KIF13B: variants seen among roughly 807,000 people sequenced by gnomAD.
The protein encoded by KIF13B is kinesin family member 13B.
KIF13B carries 127 observed loss-of-function variants against 222.0 expected under a neutral mutation model. The ratio of observed to expected loss-of-function variants is 0.57; its 90% CI spans 0.50 to 0.66. The LOEUF (loss-of-function observed/expected upper bound fraction) is 0.66, where lower values mean the gene tolerates loss of function less well. Among genes scored for constraint, KIF13B ranks in the 30% least tolerant of loss-of-function variants. The pLI, the probability that KIF13B is intolerant of heterozygous loss-of-function variation, is 0.00. For missense variants in KIF13B, 2,173 were observed against 2,379.0 expected (o/e 0.91, Z 1.80); for synonymous variants, 976 against 919.0 (o/e 1.06, Z -1.12).
intron 12 of KIF13B, among the ~76,000 whole-genome samples, chr8:29,161,724 AC>A (rs1343023894): frequency 9.4e-5 from 14 of 148,610 alleles, no homozygotes; most frequent in South Asian, 2.2e-4. Flanking sequence ...AAAACAAAAA[AC>A]AAACAAACAA....
chr8:29,132,199 T>C (rs1810374119), intron 23 of KIF13B, 109 bp downstream of exon 23: 2 of 757,308 alleles, frequency 2.6e-6, no homozygotes, highest in African/African-American at 1.8e-5. Context: ...TGAGCCAAGA[T>C]CGTGCCACTG....
At position 29,115,098 on chromosome 8, in the gene KIF13B, T is replaced by C. The variant is rs370657841; in HGVS notation, c.3838-1543A>G. Among the ~76,000 whole-genome samples the C allele has an allele frequency of 2.1e-4, 32 of 152,174 alleles. 2 individuals carry two copies. The highest frequency in any genetic ancestry group is 9.8e-4 in the Admixed American group (15 of 15,282). The stretch of plus-strand genomic sequence containing the variant: ...TTACCGCCAGTCTTCATTTCAAAGA[T>C]TGATATCAGTGTGACATTTAGAACT... On this transcript the variant is annotated intron_variant, in intron 31 of 39. Transcript: ENST00000524189.
At chr8:29,150,187 A>G (rs1811236619) in intron 15 of KIF13B, 110 bp downstream of exon 15, 1 of 643,268 alleles carries the variant, frequency 1.6e-6, no homozygotes, top group South Asian at 1.9e-5. Context: ...ATATACGTAC[A>G]CACACAATAA....
At chr8:29,136,269 T>C (rs1308865063) in intron 21 of KIF13B, among the ~76,000 whole-genome samples, 1 of 152,176 alleles carries the variant, frequency 6.6e-6, no homozygotes, top group Non-Finnish European at 1.5e-5. Flanking sequence ...ATATTGGAGT[T>C]ACATAAAATA....
intron 38 of KIF13B, among the ~76,000 whole-genome samples, chr8:29,072,939 G>A (rs180843551): frequency 2.0e-5 from 3 of 151,986 alleles, no homozygotes; most frequent in Admixed American, 6.5e-5. Flanking sequence ...TTTTTTGTCC[G>A]GCAAAACCTA....
At chr8:29,250,970 G>C (rs1429999554) in intron 1 of KIF13B, among the ~76,000 whole-genome samples, 1 of 152,118 alleles carries the variant, frequency 6.6e-6, no homozygotes, top group African/African-American at 2.4e-5. Context: ...AGACAACATG[G>C]TGAAACCCCA....
chr8:29,128,524 C>T (rs532312868), intron 24 of KIF13B, among the ~76,000 whole-genome samples: 1 of 152,248 alleles, frequency 6.6e-6, no homozygotes, highest in South Asian at 2.1e-4. Flanking sequence ...GGGAAAAGTC[C>T]TAAAGAAAAT....
intron 2 of KIF13B, among the ~76,000 whole-genome samples, chr8:29,225,263 A>C (rs1814970100): frequency 6.6e-6 from 1 of 152,244 alleles, no homozygotes; most frequent in South Asian, 2.1e-4. Context: ...GTCCAGCCAC[A>C]GTTATGAGCA....
chr8:29,214,843 A>G (rs1187801802), intron 2 of KIF13B, among the ~76,000 whole-genome samples: 1 of 152,224 alleles, frequency 6.6e-6, no homozygotes, highest in Non-Finnish European at 1.5e-5. Flanking sequence ...ACTAAGTGAC[A>G]GGAATTTTTC....
Position 29,072,261 on chromosome 8 carries a change from A to G in KIF13B, c.4577T>C (p.Leu1526Ser). The change falls in exon 39 of 40, where the codon TTG (leucine) becomes TCG (serine). Residue 1526 changes from leucine (L) to serine (S), a missense_variant. Transcript: ENST00000524189. Reference sequence around the variant, plus strand: ...TTTGGCAGGTTTGTCGCAGATCTTCAAGGCCGGGGCCCCCATCGTCTGCAC... The same window carrying G: ...TTTGGCAGGTTTGTCGCAGATCTTCGAGGCCGGGGCCCCCATCGTCTGCAC... ...VLVQTMGAPALKICDKPAKVP... is the reference protein window; with the variant it reads ...VLVQTMGAPASKICDKPAKVP... 6.8e-7 allele frequency: 1 copy of G among 1,468,236 alleles called. No homozygotes were observed. The highest frequency in any genetic ancestry group is 9.0e-7 in the Non-Finnish European group (1 of 1,110,804). 91.0% of individuals were successfully genotyped at this position (1,468,236 alleles called of 1,614,324 possible).
chr8:29,249,002 A>G (rs944847386), intron 1 of KIF13B, among the ~76,000 whole-genome samples: 3 of 152,242 alleles, frequency 2.0e-5, no homozygotes, highest in African/African-American at 7.2e-5. Flanking sequence ...TGTATGGGGC[A>G]TGAATGATGT....
intron 2 of KIF13B, among the ~76,000 whole-genome samples, chr8:29,196,642 T>G (rs920092562): frequency 6.6e-6 from 1 of 152,184 alleles, no homozygotes; most frequent in African/African-American, 2.4e-5. Context: ...AAACAATGAA[T>G]TCTATTCTGG....
chr8:29,178,937 T>C (rs188429671), intron 8 of KIF13B, among the ~76,000 whole-genome samples: 11 of 152,254 alleles, frequency 7.2e-5, no homozygotes, highest in Middle Eastern at 3.4e-3. Context: ...ACAGAGAAGT[T>C]TGCAATGCAG....
At chr8:29,074,045 A>AC (rs1259432539) in intron 38 of KIF13B, among the ~76,000 whole-genome samples, 2 of 152,230 alleles carry the variant, frequency 1.3e-5, no homozygotes, top group Non-Finnish European at 2.9e-5. Context: ...ACGCAAAACT[A>AC]TGAGAGCCGG....
At chr8:29,121,647 C>G (rs36143949) in intron 29 of KIF13B, among the ~76,000 whole-genome samples, 5,201 of 135,606 alleles carry the variant, frequency 0.038, 314 homozygotes, top group Admixed American at 0.17. Flanking sequence ...TAGGCGTGGG[C>G]AAGGACTTCA....
chr8:29,122,068 C>A (rs1455805068), intron 29 of KIF13B, among the ~76,000 whole-genome samples: 2 of 152,040 alleles, frequency 1.3e-5, no homozygotes, highest in African/African-American at 4.8e-5. Context: ...TCCTGGCTAA[C>A]ATGGTGAAAC....
chr8:29,078,480 C>T (rs1258013770), intron 37 of KIF13B, among the ~76,000 whole-genome samples: 3 of 152,036 alleles, frequency 2.0e-5, no homozygotes, highest in Admixed American at 6.6e-5. Context: ...ATCCTTCACA[C>T]GTAATAGCTG....
chr8:29,164,038 G>C (rs1480561143), intron 12 of KIF13B, among the ~76,000 whole-genome samples: 1 of 152,162 alleles, frequency 6.6e-6, no homozygotes, highest in African/African-American at 2.4e-5. Context: ...CCAATGCAGG[G>C]ACACAAAAAC....
chr8:29,162,755 T>C (rs995525086), intron 12 of KIF13B, among the ~76,000 whole-genome samples: 1 of 152,230 alleles, frequency 6.6e-6, no homozygotes, highest in East Asian at 1.9e-4. Flanking sequence ...CTAAAAAAAT[T>C]ACAAATGTTT....
Sources: gnomAD v4.1 joint callset for allele counts (sites outside exome capture counted in the v4.1 genomes callset) on GRCh38, gnomAD v4.1.1 for gene constraint, MANE v1.5 for transcripts, NCBI Gene and HGNC (gene_info 2026-07-23, HGNC 2026-07-21) for gene names.